The following AGMO variants were observed in gnomAD, a reference collection of about 807,000 sequenced individuals.
The protein encoded by AGMO is alkylglycerol monooxygenase.
AGMO carries 75 observed loss-of-function variants against 60.2 expected under a neutral mutation model. That is an observed-to-expected ratio of 1.25 (90% CI 1.03 to 1.51). The LOEUF is 1.51. AGMO is among the 40% of genes most tolerant of loss of function. AGMO has a pLI of 0.00. For missense variants in AGMO, 763 were observed against 525.5 expected, an observed-to-expected ratio of 1.45 and a Z score of -4.42; for synonymous variants, 261 against 177.1, an observed-to-expected ratio of 1.47 and a Z score of -3.76.
At chr7:15,191,109 G>T in the AGMO span, among the ~76,000 whole-genome samples, 1 of 151,986 alleles carries the variant, frequency 6.6e-6, no homozygotes, top group Non-Finnish European at 1.5e-5. Flanking sequence ...ATTTTAAGGA[G>T]CTTAAAGGTG....
intron 5 of AGMO, among the ~76,000 whole-genome samples, chr7:15,400,217 C>T (rs1007108385): frequency 5.9e-5 from 9 of 152,100 alleles, no homozygotes; most frequent in Admixed American, 1.3e-4. Context: ...CCCCCTTACT[C>T]CTCTCATACT....
chr7:15,516,951 G>A (rs1188387935), intron 3 of AGMO, among the ~76,000 whole-genome samples: 2 of 151,910 alleles, frequency 1.3e-5, no homozygotes, highest in African/African-American at 4.8e-5. Context: ...AACAGACATT[G>A]ACTGTCCAAA....
intron 3 of AGMO, among the ~76,000 whole-genome samples, chr7:15,534,792 T>A (rs1214489876): frequency 2.6e-5 from 4 of 151,874 alleles, no homozygotes; most frequent in Admixed American, 2.0e-4. Context: ...AGAAAAAAAT[T>A]AAGTTTGTAT....
At chr7:15,511,983 T>A (rs2128530673) in intron 3 of AGMO, among the ~76,000 whole-genome samples, 1 of 148,886 alleles carries the variant, frequency 6.7e-6, no homozygotes, top group African/African-American at 2.5e-5. Flanking sequence ...GGGAAATACA[T>A]TCTGTTCTTT....
intron 12 of AGMO, among the ~76,000 whole-genome samples, chr7:15,263,466 T>C (rs771088251): frequency 3.9e-5 from 6 of 152,132 alleles, no homozygotes; most frequent in Admixed American, 3.3e-4. Context: ...TTTATACTGT[T>C]GGTGGGAATG....
At chr7:15,231,662 C>A (rs1314494879) in intron 12 of AGMO, among the ~76,000 whole-genome samples, 1 of 152,174 alleles carries the variant, frequency 6.6e-6, no homozygotes, top group Non-Finnish European at 1.5e-5. Context: ...TGGAGCTAGT[C>A]AGACCTGGGT....
the AGMO span, among the ~76,000 whole-genome samples, chr7:15,118,876 ATTTTTTTTTTTTTTTTTTTTTTTTTTTT>A: frequency 2.4e-5 from 2 of 81,732 alleles, no homozygotes; most frequent in African/African-American, 8.8e-5. Flanking sequence ...AGACGTCAGT[ATTTTTTTTTTTTTTTTTTTTTTTTTTTT>A]TTTTTTTTTT....
intron 12 of AGMO, among the ~76,000 whole-genome samples, chr7:15,265,737 T>C (rs1220967364): frequency 6.6e-6 from 1 of 152,052 alleles, no homozygotes; most frequent in African/African-American, 2.4e-5. Context: ...ATACGATGGT[T>C]CCTCTAAAAC....
At chr7:15,356,205 T>A (rs1452328231) in intron 12 of AGMO, among the ~76,000 whole-genome samples, 1 of 152,112 alleles carries the variant, frequency 6.6e-6, no homozygotes, top group Non-Finnish European at 1.5e-5. Flanking sequence ...TCTAGATGTA[T>A]AAACTAGAGA....
At chr7:15,470,372 T>A (rs894315531) in intron 3 of AGMO, among the ~76,000 whole-genome samples, 2 of 152,026 alleles carry the variant, frequency 1.3e-5, no homozygotes, top group African/African-American at 2.4e-5. Flanking sequence ...AATAGTCATG[T>A]TGTAGATTTA....
At chr7:15,437,742 G>A (rs978536735) in intron 3 of AGMO, among the ~76,000 whole-genome samples, 14 of 151,892 alleles carry the variant, frequency 9.2e-5, no homozygotes, top group South Asian at 2.1e-4. Context: ...GGGTTTCACC[G>A]TGTTAGCCAG....
At chr7:15,137,687 T>A in the AGMO span, among the ~76,000 whole-genome samples, 1 of 152,172 alleles carries the variant, frequency 6.6e-6, no homozygotes, top group South Asian at 2.1e-4. Context: ...GTAGGAATGA[T>A]GATTCACAAG....
the AGMO span, among the ~76,000 whole-genome samples, chr7:15,193,701 G>T: frequency 1.3e-5 from 2 of 152,120 alleles, no homozygotes; most frequent in Admixed American, 6.5e-5. Flanking sequence ...TTTGTCTAAA[G>T]ATCTCCAACT....
the AGMO span, among the ~76,000 whole-genome samples, chr7:15,130,196 A>C: frequency 1.3e-5 from 2 of 151,988 alleles, no homozygotes; most frequent in African/African-American, 4.8e-5. Context: ...TAGAGTAATG[A>C]TTTTCAAATT....
intron 12 of AGMO, among the ~76,000 whole-genome samples, chr7:15,309,820 A>G (rs566793049): frequency 8.5e-5 from 13 of 152,300 alleles, no homozygotes; most frequent in African/African-American, 3.1e-4. Context: ...TCATTATGCC[A>G]TTTAATAAAC....
the AGMO span, among the ~76,000 whole-genome samples, chr7:15,120,371 T>C: frequency 6.6e-6 from 1 of 152,294 alleles, no homozygotes; most frequent in South Asian, 2.1e-4. Context: ...TCCTTCTTAA[T>C]ATATATTAAT....
At chr7:15,302,593 C>G (rs1040204951) in intron 12 of AGMO, among the ~76,000 whole-genome samples, 1 of 152,098 alleles carries the variant, frequency 6.6e-6, no homozygotes, top group Non-Finnish European at 1.5e-5. Flanking sequence ...ATACATAAAT[C>G]AAGGAGACTG....
intron 3 of AGMO, among the ~76,000 whole-genome samples, chr7:15,506,790 G>C (rs761672418): frequency 6.6e-6 from 1 of 151,740 alleles, no homozygotes; most frequent in Non-Finnish European, 1.5e-5. Flanking sequence ...GTGAGATGAG[G>C]TAAATACACA....
At chr7:15,523,228 T>C (rs1784047818) in intron 3 of AGMO, among the ~76,000 whole-genome samples, 1 of 152,200 alleles carries the variant, frequency 6.6e-6, no homozygotes, top group East Asian at 1.9e-4. Context: ...TTTTACACTG[T>C]TGGTGGGAGT....
Sources: allele counts gnomAD v4.1 joint callset (sites outside exome capture counted in the v4.1 genomes callset), GRCh38; gene constraint gnomAD v4.1.1; transcripts MANE v1.5; gene names NCBI Gene and HGNC (gene_info 2026-07-23, HGNC 2026-07-21).